The following FAM76B variants were observed in gnomAD, a reference collection of about 807,000 sequenced individuals.
The protein encoded by FAM76B is family with sequence similarity 76 member B, also known as protein FAM76B.
A neutral mutation model predicts 51.8 loss-of-function variants in FAM76B; 16 were observed. The ratio of observed to expected loss-of-function variants is 0.31; its 90% CI spans 0.21 to 0.47. The LOEUF (loss-of-function observed/expected upper bound fraction) is 0.47. FAM76B is among the 20% of genes least tolerant of loss of function. FAM76B has a pLI of 1.00. For missense variants in FAM76B, 342 were observed against 392.6 expected (o/e 0.87, Z 1.09); for synonymous variants, 166 against 129.5 (o/e 1.28, Z -1.91).
intron 2 of FAM76B, among the ~76,000 whole-genome samples, chr11:95,788,037 G>A (rs1014891500): frequency 2.0e-5 from 3 of 152,100 alleles, no homozygotes; most frequent in African/African-American, 2.4e-5. Flanking sequence ...TATTTATGAA[G>A]AAATTATTTG....
chr11:95,784,004 G>A (rs1392102438), intron 4 of FAM76B, among the ~76,000 whole-genome samples: 3 of 152,158 alleles, frequency 2.0e-5, no homozygotes, highest in Admixed American at 6.5e-5. Context: ...CAAGAAGGTT[G>A]TAATGTGAAA....
chr11:95,787,074 G>T (rs1860633897), intron 3 of FAM76B, among the ~76,000 whole-genome samples: 1 of 152,124 alleles, frequency 6.6e-6, no homozygotes, highest in Admixed American at 6.5e-5. Flanking sequence ...TGCTATATTT[G>T]AATCTCTAAA....
chr11:95,784,878 T>C (rs1307254562), intron 4 of FAM76B, among the ~76,000 whole-genome samples: 2 of 152,120 alleles, frequency 1.3e-5, no homozygotes, highest in African/African-American at 4.8e-5. Context: ...TGAGCCACCA[T>C]GCCTGGCCAA....
At chr11:95,784,461 G>C (rs999258472) in intron 4 of FAM76B, among the ~76,000 whole-genome samples, 4 of 152,038 alleles carry the variant, frequency 2.6e-5, no homozygotes, top group Non-Finnish European at 4.4e-5. Flanking sequence ...CGAAGGCTGT[G>C]ATGTGTCTTA....
At chr11:95,785,285 C>G (rs980334416) in intron 4 of FAM76B, among the ~76,000 whole-genome samples, 107 of 152,310 alleles carry the variant, frequency 7.0e-4, no homozygotes, top group African/African-American at 2.4e-3. Context: ...CAGGCATCCA[C>G]TGGTCTTAGA....
intron 9 of FAM76B, among the ~76,000 whole-genome samples, chr11:95,772,063 G>T (rs11021311): frequency 6.6e-6 from 1 of 150,746 alleles, no homozygotes; most frequent in Admixed American, 6.6e-5. Flanking sequence ...TTTGGGAGGA[G>T]TATTTCCTGG....
intron 6 of FAM76B, 55 bp downstream of exon 6, chr11:95,779,824 C>T: frequency 6.4e-7 from 1 of 1,566,508 alleles, no homozygotes; most frequent in Non-Finnish European, 8.7e-7. Context: ...GAAGGGATAT[C>T]ACATTTATAA....
chr11:95,769,724 A>G lies in FAM76B; in HGVS notation c.*1837T>C, dbSNP rs2120156168. On this transcript the variant is annotated 3_prime_UTR_variant, in exon 10 of 10. Transcript: ENST00000358780. ...GAATTTAGCAAATCCTGCAAACGTT[A>G]AAATCCATGTTAAGGCATTATCTAT... 6.6e-6 allele frequency: 1 copy of G among 151,778 alleles called. No homozygotes were observed. Among genetic ancestry groups the G allele is most frequent in the East Asian group, 1.9e-4 (1 of 5,184 alleles). 9.4% of individuals were successfully genotyped at this position (151,778 alleles called of 1,614,324 possible).
chr11:95,788,670 A>G, intron 1 of FAM76B, 107 bp from the exon 2 acceptor site: 1 of 1,289,130 alleles, frequency 7.8e-7, no homozygotes, highest in Non-Finnish European at 1.1e-6. Flanking sequence ...AACATTTATA[A>G]AACCTGGCCC....
rs79036506 is a variant in FAM76B at position 95,772,110 on chromosome 11, T to C, written c.931-460A>G. On this transcript the variant is annotated intron_variant, in intron 9 of 9. Coordinates refer to ENST00000358780, the MANE Select transcript of FAM76B (RefSeq NM_144664.5). The stretch of plus-strand genomic sequence containing the variant: ...AGGTCTTTTTTCTATGTTTACTCTC[T>C]TGTAGAACAAGCATAAGAGGTCATT... Among the ~76,000 whole-genome samples, 1,357 of 151,276 alleles carry C rather than the reference T, an allele frequency of 9.0e-3. 19 individuals are homozygous for C. The highest frequency in any genetic ancestry group is 0.042 in the East Asian group (219 of 5,164).
intron 5 of FAM76B, among the ~76,000 whole-genome samples, chr11:95,782,073 C>G (rs951272476): frequency 2.0e-5 from 3 of 152,076 alleles, no homozygotes; most frequent in Non-Finnish European, 4.4e-5. Context: ...TGAAAATGGG[C>G]ATGCCATATG....
chr11:95,787,571 T>G, intron 3 of FAM76B, 53 bp downstream of exon 3: 1 of 1,557,106 alleles, frequency 6.4e-7, no homozygotes, highest in Non-Finnish European at 8.8e-7. Flanking sequence ...AGGTCCAGCT[T>G]TATGAAAAAT....
In FAM76B at chr11:95,789,473, C is replaced by T. The variant is rs1345803933; in HGVS notation, c.6G>A (p.Ala2=). 7 of 1,604,460 alleles carry T rather than the reference C, an allele frequency of 4.4e-6. No individual in the cohort carries two copies. Among genetic ancestry groups the T allele is most frequent in the African/African-American group, 1.3e-5 (1 of 74,782 alleles). ...TGGTGCAGGCGTACAGGGCCGAGGC[C>T]GCCATCCTGCTCCTCAGTCTCCTCC... M[A]ASALYACTKC... Residue 2 remains alanine, a synonymous_variant, in exon 1 of 10, where the codon GCG becomes GCA. Transcript: ENST00000358780.
intron 4 of FAM76B, among the ~76,000 whole-genome samples, chr11:95,785,336 T>A (rs1463087523): frequency 1.3e-5 from 2 of 152,238 alleles, no homozygotes; most frequent in Non-Finnish European, 2.9e-5. Context: ...CCGTATTCAC[T>A]GTTTTGTGGG....
rs1162142541 is a variant in FAM76B at position 95,783,091 on chromosome 11, GTGATGGTGATGA to G, written c.525_536del (p.His177_His180del). On this transcript the variant is annotated inframe_deletion, in exon 5 of 10. Coordinates refer to ENST00000358780, the MANE Select transcript of FAM76B (RefSeq NM_144664.5). ...TGTGATGGCTACTGCTGTGACGATG[GTGATGGTGATGA>G]TGGTGGTGATGATGTTTTGGATGAT... The G allele has an allele frequency of 6.2e-7, 1 of 1,613,704 alleles. No individual in the cohort carries two copies. The highest frequency in any genetic ancestry group is 2.2e-5 in the East Asian group (1 of 44,884).
intron 9 of FAM76B, among the ~76,000 whole-genome samples, chr11:95,773,349 A>G (rs1044069520): frequency 2.7e-5 from 4 of 150,800 alleles, no homozygotes; most frequent in Admixed American, 6.6e-5. Flanking sequence ...GTTAAGTACA[A>G]GTCCAAATTA....
chr11:95,786,385 T>C, intron 3 of FAM76B, 111 bp from the exon 4 acceptor site: 1 of 1,374,802 alleles, frequency 7.3e-7, no homozygotes, highest in Non-Finnish European at 9.7e-7. Context: ...AGGTAAAAAA[T>C]TTGTTTTCTG....
intron 1 of FAM76B, 147 bp from the exon 2 acceptor site, chr11:95,788,710 T>C (rs781704307): frequency 3.2e-5 from 39 of 1,214,170 alleles, no homozygotes; most frequent in East Asian, 1.8e-4. Flanking sequence ...CTTTATCATA[T>C]AAGTGGCCAA....
At chr11:95,782,708 A>G (rs1382991222) in intron 5 of FAM76B, among the ~76,000 whole-genome samples, 1 of 152,216 alleles carries the variant, frequency 6.6e-6, no homozygotes. Flanking sequence ...ATTGACAACT[A>G]AAATATAATT....
Sources: gnomAD v4.1 joint callset for allele counts (sites outside exome capture counted in the v4.1 genomes callset) on GRCh38, gnomAD v4.1.1 for gene constraint, MANE v1.5 for transcripts, NCBI Gene and HGNC (gene_info 2026-07-23, HGNC 2026-07-21) for gene names.